Variants in MARCHF8 observed in about 807,000 individuals in gnomAD.
MARCHF8 encodes membrane associated ring-CH-type finger 8, also known as E3 ubiquitin-protein ligase MARCHF8.
In MARCHF8, 40 loss-of-function variants were observed where a neutral mutation model predicts 51.6. The ratio of observed to expected loss-of-function variants is 0.77; its 90% CI spans 0.60 to 1.01. The LOEUF (loss-of-function observed/expected upper bound fraction) is 1.01. Ranked by LOEUF, MARCHF8 falls within the 50% of genes least tolerant of loss-of-function variation. The pLI is 0.00. For missense variants in MARCHF8, 685 were observed against 708.6 expected (o/e 0.97, Z 0.38); for synonymous variants, 263 against 280.3 (o/e 0.94, Z 0.62).
rs150830352 is a variant in MARCHF8 at position 45,482,610 on chromosome 10, C to T, written c.153+6757G>A. Among the ~76,000 whole-genome samples the T allele has an allele frequency of 4.5e-3, 679 of 152,198 alleles. 7 individuals carry two copies. The highest frequency in any genetic ancestry group is 7.0e-3 in the Non-Finnish European group (479 of 68,012). ...CACTACTAAAAATACAAAAATTAGCCAGGTTTGGTGGTATGCACCTGTAAT... is the reference window on the plus strand; with the variant it reads ...CACTACTAAAAATACAAAAATTAGCTAGGTTTGGTGGTATGCACCTGTAAT... On this transcript the variant is annotated intron_variant, in intron 3 of 7. Transcript: ENST00000453424.
chr10:45,471,839 T>C (rs1365877789), intron 3 of MARCHF8, among the ~76,000 whole-genome samples: 1 of 152,182 alleles, frequency 6.6e-6, no homozygotes, highest in Non-Finnish European at 1.5e-5. Context: ...ACACCTCCAG[T>C]GTGGAACAAG....
intron 3 of MARCHF8, among the ~76,000 whole-genome samples, chr10:45,485,776 T>C (rs2042968300): frequency 1.3e-5 from 2 of 152,196 alleles, no homozygotes. Context: ...CTGGCTCATG[T>C]GCTGACCCCA....
rs1341777424 is a variant in MARCHF8, at chr10:45,454,703, A to T, written c.*3536T>A. The T allele has an allele frequency of 6.6e-6, 1 of 152,250 alleles. No homozygotes were observed. Among genetic ancestry groups the T allele is most frequent in the African/African-American group, 2.4e-5 (1 of 41,474 alleles). 9.4% of individuals were successfully genotyped at this position (152,250 alleles called of 1,614,324 possible). On this transcript the variant is annotated 3_prime_UTR_variant, in exon 8 of 8. Coordinates refer to ENST00000453424, the MANE Select transcript of MARCHF8 (RefSeq NM_001282866.2). ...GAGAAACAGTGAACACACACAAAAG[A>T]ATACAAAACTAGACATTTAGATCAC...
intron 3 of MARCHF8, among the ~76,000 whole-genome samples, chr10:45,465,159 G>A (rs905839190): frequency 2.0e-5 from 3 of 152,112 alleles, no homozygotes; most frequent in Non-Finnish European, 4.4e-5. Flanking sequence ...ACCACCGCTA[G>A]AGGGCCCCAG....
chr10:45,559,083 T>C (rs2044282680), intron 1 of MARCHF8, among the ~76,000 whole-genome samples: 1 of 152,192 alleles, frequency 6.6e-6, no homozygotes, highest in Non-Finnish European at 1.5e-5. Flanking sequence ...AATATGTATT[T>C]TAGGAAAGGA....
intron 1 of MARCHF8, among the ~76,000 whole-genome samples, chr10:45,553,392 T>A (rs2044216843): frequency 6.6e-6 from 1 of 152,144 alleles, no homozygotes; most frequent in Non-Finnish European, 1.5e-5. Flanking sequence ...AAAGAAAGAT[T>A]ACTACCCTAG....
chr10:45,557,694 G>A (rs951702346), intron 1 of MARCHF8, among the ~76,000 whole-genome samples: 4 of 152,198 alleles, frequency 2.6e-5, no homozygotes, highest in Admixed American at 6.5e-5. Flanking sequence ...CTAAACGGAA[G>A]TGAGGAACCA....
At chr10:45,487,752 C>T (rs942271794) in intron 3 of MARCHF8, among the ~76,000 whole-genome samples, 1 of 151,944 alleles carries the variant, frequency 6.6e-6, no homozygotes, top group Non-Finnish European at 1.5e-5. Flanking sequence ...AGAAGGTTTG[C>T]CAGAGTTTAC....
chr10:45,460,965 A>T, intron 6 of MARCHF8: 1 of 345,936 alleles, frequency 2.9e-6, no homozygotes, highest in Non-Finnish European at 5.2e-6. Flanking sequence ...CTGTAGTCAA[A>T]GGCCAGAGGA....
At chr10:45,470,066 C>T (rs942124039) in intron 3 of MARCHF8, among the ~76,000 whole-genome samples, 2 of 152,086 alleles carry the variant, frequency 1.3e-5, no homozygotes, top group African/African-American at 4.8e-5. Context: ...TCTTACAGAT[C>T]TCTAGAAAGA....
chr10:45,544,051 G>A (rs11239555), intron 1 of MARCHF8, among the ~76,000 whole-genome samples: 2 of 152,050 alleles, frequency 1.3e-5, no homozygotes, highest in East Asian at 3.9e-4. Context: ...CTGGGCAACA[G>A]CATGAGACCC....
intron 1 of MARCHF8, among the ~76,000 whole-genome samples, chr10:45,586,073 A>G (rs1351635249): frequency 1.3e-5 from 2 of 152,224 alleles, no homozygotes; most frequent in African/African-American, 2.4e-5. Context: ...CATAATTTAC[A>G]TAAAATAAAA....
At chr10:45,567,404 G>GT (rs1479105239) in intron 1 of MARCHF8, among the ~76,000 whole-genome samples, 4 of 152,210 alleles carry the variant, frequency 2.6e-5, no homozygotes, top group Non-Finnish European at 5.9e-5. Flanking sequence ...TAGTTTCATA[G>GT]TTTGAGGTCT....
intron 1 of MARCHF8, among the ~76,000 whole-genome samples, chr10:45,555,205 G>T (rs11239558): frequency 0.29 from 44,132 of 151,732 alleles, 6,977 homozygotes; most frequent in African/African-American, 0.41. Context: ...CTCCAGCCTG[G>T]GCAACAAAAG....
chr10:45,498,786 T>G (rs907092816), intron 2 of MARCHF8, among the ~76,000 whole-genome samples: 5 of 152,240 alleles, frequency 3.3e-5, no homozygotes, highest in African/African-American at 1.2e-4. Context: ...AGAATCCTTT[T>G]CTTTTTAAAA....
At chr10:45,534,456 TTC>T in intron 1 of MARCHF8, among the ~76,000 whole-genome samples, 1 of 152,294 alleles carries the variant, frequency 6.6e-6, no homozygotes, top group African/African-American at 2.4e-5. Context: ...GTTTCTGGTT[TTC>T]TCTTACGCAT....
At chr10:45,521,161 G>T (rs1302455324) in intron 2 of MARCHF8, among the ~76,000 whole-genome samples, 1 of 152,220 alleles carries the variant, frequency 6.6e-6, no homozygotes, top group East Asian at 1.9e-4. Flanking sequence ...GATGGGGAAT[G>T]AAGTCACTTT....
chr10:45,512,085 C>T (rs11239544), intron 2 of MARCHF8, among the ~76,000 whole-genome samples: 34,565 of 148,576 alleles, frequency 0.23, 4,190 homozygotes, highest in Admixed American at 0.29. Flanking sequence ...ATGTGGGGAG[C>T]GCCTCTGCCC....
chr10:45,573,961 T>C (rs983268287), intron 1 of MARCHF8, among the ~76,000 whole-genome samples: 4 of 152,202 alleles, frequency 2.6e-5, no homozygotes, highest in African/African-American at 7.2e-5. Context: ...GCTCCCTGAA[T>C]AGGTCAAAAC....
Sources: allele counts gnomAD v4.1 joint callset (sites outside exome capture counted in the v4.1 genomes callset), GRCh38; gene constraint gnomAD v4.1.1; transcripts MANE v1.5; gene names NCBI Gene and HGNC (gene_info 2026-07-23, HGNC 2026-07-21).